The following DAB2IP variants were observed in gnomAD, a reference collection of about 807,000 sequenced individuals.
The protein encoded by DAB2IP is DAB2 interacting protein.
Under a neutral mutation model 107.2 loss-of-function variants are expected in DAB2IP, and 28 were observed. The ratio of observed to expected loss-of-function variants is 0.26; its 90% CI spans 0.19 to 0.36. The LOEUF (loss-of-function observed/expected upper bound fraction) is 0.36. Among genes scored for constraint, DAB2IP ranks in the 10% least tolerant of loss-of-function variants. The pLI, the probability that DAB2IP is intolerant of heterozygous loss-of-function variation, is 1.00. For missense variants in DAB2IP, 1,400 were observed against 1,644.7 expected (o/e 0.85, Z 2.57); for synonymous variants, 755 against 706.4 (o/e 1.07, Z -1.09).
chr9:121,725,745 A>T (rs1831208388), intron 3 of DAB2IP, among the ~76,000 whole-genome samples: 1 of 152,178 alleles, frequency 6.6e-6, no homozygotes, highest in South Asian at 2.1e-4. Context: ...GCTTTTGGGC[A>T]TGCCAGGTAG....
In DAB2IP at chr9:121,698,464, T is replaced by C. The variant is rs975147889; in HGVS notation, c.229-861T>C. 4.6e-5 allele frequency among the ~76,000 whole-genome samples: 7 copies of C among 152,178 alleles called. No individual in the cohort carries two copies. Among genetic ancestry groups the C allele is most frequent in the African/African-American group, 1.7e-4 (7 of 41,446 alleles). On this transcript the variant is annotated intron_variant, in intron 2 of 15. Coordinates refer to ENST00000408936, the Ensembl canonical transcript of DAB2IP. The surrounding 1 kb of genome is among the most constrained non-coding windows in gnomAD (Gnocchi z 4.1). The stretch of plus-strand genomic sequence containing the variant: ...GTGGGGGATTAAGCTCTGTTTTCAG[T>C]CAGTGCAACCTGTTAGGTGGATAAA...
intron 10 of DAB2IP, among the ~76,000 whole-genome samples, chr9:121,769,773 C>T (rs1006364553): frequency 6.6e-6 from 1 of 152,222 alleles, no homozygotes; most frequent in Non-Finnish European, 1.5e-5. Flanking sequence ...CCACCACTTA[C>T]CTTTCCCCTG....
intron 2 of DAB2IP, among the ~76,000 whole-genome samples, chr9:121,693,217 C>T (rs1241581165): frequency 6.6e-6 from 1 of 152,172 alleles, no homozygotes; most frequent in Admixed American, 6.5e-5. Flanking sequence ...GTCCCACTGC[C>T]CTCTGGGCCT....
chr9:121,641,565 C>T (rs377636615), intron 1 of DAB2IP, among the ~76,000 whole-genome samples: 23 of 152,330 alleles, frequency 1.5e-4, no homozygotes, highest in East Asian at 1.2e-3. Flanking sequence ...TTCAAAGGCA[C>T]ACAGCAAAGT....
intron 1 of DAB2IP, among the ~76,000 whole-genome samples, chr9:121,591,218 C>T (rs112614349): frequency 0.014 from 2,167 of 152,274 alleles, 51 homozygotes; most frequent in African/African-American, 0.049. Flanking sequence ...CCTGTAATCC[C>T]AGCACTTTGA....
chr9:121,639,935 C>A (rs372244906), intron 1 of DAB2IP, among the ~76,000 whole-genome samples: 1 of 152,176 alleles, frequency 6.6e-6, no homozygotes, highest in South Asian at 2.1e-4. Flanking sequence ...AGACTCTGCC[C>A]GGTGGGCCCA....
rs1020079396 is a variant in DAB2IP at position 121,760,214 on chromosome 9, G to A, written c.945G>A (p.Thr315=). Residue 315 remains threonine, a synonymous_variant, in exon 6 of 16, where the codon ACG becomes ACA. Transcript: ENST00000408936. The surrounding 1 kb of genome is among the most constrained non-coding windows in gnomAD (Gnocchi z 5.9). ...TGGAGAAGTGGTACCCGGTGGTGACGCCCAACCCCAAGGGCGGCAAGGGCC... is the reference window on the plus strand; with the variant it reads ...TGGAGAAGTGGTACCCGGTGGTGACACCCAACCCCAAGGGCGGCAAGGGCC... 1.1e-5 allele frequency: 17 copies of A among 1,613,624 alleles called. No individual in the cohort carries two copies. The highest frequency in any genetic ancestry group is 2.2e-5 in the East Asian group (1 of 44,846).
intron 6 of DAB2IP, among the ~76,000 whole-genome samples, chr9:121,761,824 C>A (rs939785786): frequency 1.3e-5 from 2 of 152,184 alleles, no homozygotes; most frequent in African/African-American, 4.8e-5. Context: ...ATCAAGGACC[C>A]ATGGGCACCA....
At chr9:121,677,381 G>A (rs1040943307) in intron 1 of DAB2IP, among the ~76,000 whole-genome samples, 4 of 152,148 alleles carry the variant, frequency 2.6e-5, no homozygotes, top group Non-Finnish European at 2.9e-5. Flanking sequence ...AATTAGATAG[G>A]TGTGTTGGGG....
chr9:121,783,283 A>G, exon 16 of DAB2IP: 1 of 1,368,638 alleles, frequency 7.3e-7, no homozygotes, highest in Non-Finnish European at 9.4e-7. Flanking sequence ...CCTCCCACAC[A>G]GGCCCAGGCT....
At position 121,592,365 on chromosome 9, in the gene DAB2IP, CAAAAAAA is replaced by C. The variant is rs999409255; in HGVS notation, c.40+25143_40+25149del. Among the ~76,000 whole-genome samples the C allele has an allele frequency of 7.4e-5, 10 of 134,952 alleles. 2 individuals are homozygous for C. The highest frequency in any genetic ancestry group is 6.1e-4 in the Admixed American group (8 of 13,186). 88.5% of individuals were successfully genotyped at this position (134,952 alleles called of 152,430 possible). A position where few individuals can be genotyped will look rare whatever the true frequency, so the allele number is the denominator to read the frequency against. On this transcript the variant is annotated intron_variant, in intron 1 of 16. Transcript: ENST00000259371. ...TAGGTGACAGAGCAAGACTCCATCT[CAAAAAAA>C]AAAAAGAAAAAAGAAAAATGGCAGA...
chr9:121,756,431 TC>T (rs1833480986), intron 3 of DAB2IP, among the ~76,000 whole-genome samples: 1 of 152,208 alleles, frequency 6.6e-6, no homozygotes, highest in Admixed American at 6.5e-5. Context: ...GACTGCTGCA[TC>T]CCTTCTGCTT....
intron 1 of DAB2IP, among the ~76,000 whole-genome samples, chr9:121,617,492 G>C (rs1026770504): frequency 3.9e-5 from 6 of 152,204 alleles, no homozygotes; most frequent in Non-Finnish European, 8.8e-5. Context: ...TTCTGTGGGA[G>C]GGACAGCCCA....
At chr9:121,603,318 C>T (rs1030307551) in intron 1 of DAB2IP, among the ~76,000 whole-genome samples, 2 of 152,188 alleles carry the variant, frequency 1.3e-5, no homozygotes, top group South Asian at 2.1e-4. Flanking sequence ...GTGGAGGAAT[C>T]GCCTGCATAG....
chr9:121,672,553 G>A (rs1156417345), intron 1 of DAB2IP, among the ~76,000 whole-genome samples: 2 of 152,134 alleles, frequency 1.3e-5, no homozygotes, highest in East Asian at 3.9e-4. Context: ...CTCCAGCTGT[G>A]GCTTCCAAGA....
At chr9:121,738,562 C>G (rs1420362538) in intron 3 of DAB2IP, among the ~76,000 whole-genome samples, 1 of 152,180 alleles carries the variant, frequency 6.6e-6, no homozygotes, top group Admixed American at 6.5e-5. Context: ...AGAAGCCTCC[C>G]TAACTTCTCA....
At chr9:121,765,056 CA>C (rs1317892311) in intron 8 of DAB2IP, among the ~76,000 whole-genome samples, 2 of 152,170 alleles carry the variant, frequency 1.3e-5, no homozygotes, top group Non-Finnish European at 2.9e-5. Context: ...CTGGGCTATA[CA>C]AGGTGCTTGC....
rs1363790275 is a variant in DAB2IP at position 121,702,029 on chromosome 9, T to A, written c.362+2571T>A. ...AAGGACGGTGGGGGCTTCTAGGGTG[T>A]CGAGCGGGAGTCCTGGTCCCCATGG... On this transcript the variant is annotated intron_variant, in intron 3 of 15. Transcript: ENST00000408936. This position sits in a 1 kb window ranked among gnomAD's most constrained non-coding sequence, Gnocchi z 4.5. 6.6e-6 allele frequency among the ~76,000 whole-genome samples: 1 copy of A among 152,050 alleles called. No individual in the cohort carries two copies. Among genetic ancestry groups the A allele is most frequent in the Non-Finnish European group, 1.5e-5 (1 of 68,016 alleles).
At chr9:121,721,422 G>A (rs773892469) in intron 3 of DAB2IP, among the ~76,000 whole-genome samples, 6 of 152,240 alleles carry the variant, frequency 3.9e-5, no homozygotes, top group Non-Finnish European at 7.3e-5. Flanking sequence ...TGTGTGCCAG[G>A]CACTGAGTGG....
Sources: allele counts gnomAD v4.1 joint callset (sites outside exome capture counted in the v4.1 genomes callset), GRCh38; gene constraint gnomAD v4.1.1; non-coding constraint Gnocchi (gnomAD v3.1); transcripts MANE v1.5; gene names NCBI Gene and HGNC (gene_info 2026-07-23, HGNC 2026-07-21).